SHE: variants seen among roughly 807,000 people sequenced by gnomAD.
The protein encoded by SHE is SH2 domain-containing adapter protein E.
Under a neutral mutation model 49.8 loss-of-function variants are expected in SHE, and 11 were observed. The observed-to-expected ratio is 0.22, with a 90% CI of 0.14 to 0.37. The LOEUF is 0.37. SHE is among the 10% of genes least tolerant of loss of function. The probability of loss-of-function intolerance (pLI) is 1.00; values close to 1 mark genes in which losing one functional copy is unlikely to be tolerated. For missense variants in SHE, 624 were observed against 655.5 expected (o/e 0.95, Z 0.52); for synonymous variants, 310 against 278.1 (o/e 1.11, Z -1.14).
chr1:154,495,745 AC>A (rs752890809), intron 2 of SHE, among the ~76,000 whole-genome samples: 18 of 145,202 alleles, frequency 1.2e-4, no homozygotes, highest in African/African-American at 1.5e-4. Context: ...AAAAAAAAAA[AC>A]CTCAAGAAAT....
intron 2 of SHE, 83 bp from the exon 3 acceptor site, chr1:154,489,439 A>C: frequency 6.7e-7 from 1 of 1,497,240 alleles, no homozygotes; most frequent in Non-Finnish European, 9.1e-7. Context: ...CCTGGTCATT[A>C]ACCCAACTGC....
At chr1:154,501,366 CCT>C in intron 1 of SHE, 68 bp downstream of exon 1, 1 of 1,475,440 alleles carries the variant, frequency 6.8e-7, no homozygotes, top group Non-Finnish European at 9.3e-7. Context: ...TCTAAAGAAG[CCT>C]AGGGCTTAGC....
At chr1:154,476,226 GTCC>G (rs765242299), downstream of SHE, among the ~76,000 whole-genome samples, 1 of 152,116 alleles carries the variant, frequency 6.6e-6, no homozygotes, top group Non-Finnish European at 1.5e-5. Context: ...CACACCTGTG[GTCC>G]CAGCCACTTG....
In SHE at chr1:154,489,157, CT is replaced by C; in HGVS notation, c.917del (p.Lys306ArgfsTer52). On this transcript the variant is annotated frameshift_variant, in exon 3 of 6. Coordinates refer to ENST00000304760, the MANE Select transcript of SHE (RefSeq NM_001010846.3). LOFTEE classifies it high-confidence loss of function. ...PAEGGPRAEG[K>X]ARPPDSRLPE... Reference sequence around the variant, plus strand: ...GCAGCCGGCTGTCTGGGGGCCGCGCCTTCCCCTCTGCCCTGGGCCCCCCTTC... The same window carrying C: ...GCAGCCGGCTGTCTGGGGGCCGCGCCTCCCCTCTGCCCTGGGCCCCCCTTC... The C allele has an allele frequency of 6.2e-7, 1 of 1,614,156 alleles. No individual in the cohort carries two copies. Among genetic ancestry groups the C allele is most frequent in the Non-Finnish European group, 8.5e-7 (1 of 1,180,018 alleles).
At chr1:154,486,980 T>G (rs570838200) in intron 3 of SHE, among the ~76,000 whole-genome samples, 1 of 152,222 alleles carries the variant, frequency 6.6e-6, no homozygotes, top group African/African-American at 2.4e-5. Flanking sequence ...TTTAAAAAAC[T>G]TGTGGTTTTG....
chr1:154,493,821 T>G (rs1570852742), intron 2 of SHE, among the ~76,000 whole-genome samples: 3 of 152,338 alleles, frequency 2.0e-5, no homozygotes, highest in East Asian at 3.9e-4. Context: ...AACTCACGGC[T>G]GTACTGACTA....
chr1:154,483,837 C>CA lies in SHE; in HGVS notation c.*311dup, dbSNP rs5777915. On this transcript the variant is annotated 3_prime_UTR_variant, in exon 6 of 6. Transcript: ENST00000304760. ...CGAAACCCCATCTCTACTAAAAATA[C>CA]AAAAAAAAAAATTAGCTGGGAGTGG... 62 of 604,654 alleles carry CA rather than the reference C, an allele frequency of 1.0e-4. No individual in the cohort carries two copies. The highest frequency in any genetic ancestry group is 9.6e-4 in the African/African-American group (50 of 52,174). 37.5% of individuals were successfully genotyped at this position (604,654 alleles called of 1,614,324 possible).
chr1:154,475,264 G>A (rs1252178398), downstream of SHE, among the ~76,000 whole-genome samples: 2 of 152,022 alleles, frequency 1.3e-5, no homozygotes, highest in Admixed American at 6.6e-5. Flanking sequence ...TTGGCTCACC[G>A]CAACCTCCGC....
chr1:154,480,664 T>C lies in SHE; in HGVS notation c.*3485A>G, dbSNP rs1261018151. 3.0e-6 allele frequency: 3 copies of C among 985,250 alleles called. No individual in the cohort carries two copies. In the African/African-American group the frequency reaches 5.2e-5, roughly 17 times the overall value. The allele number at this position is 985,250 out of a possible 1,614,324, so 61.0% of individuals were successfully genotyped here. A position where few individuals can be genotyped will look rare whatever the true frequency, so the allele number is the denominator to read the frequency against. Reference sequence around the variant, plus strand: ...AGGCTTTCTAAAATGCTTAAGAAAGTGCTTTGAATAACTTAAAATGACACT... The same window carrying C: ...AGGCTTTCTAAAATGCTTAAGAAAGCGCTTTGAATAACTTAAAATGACACT... On this transcript the variant is annotated 3_prime_UTR_variant, in exon 6 of 6. Coordinates refer to ENST00000304760, the MANE Select transcript of SHE (RefSeq NM_001010846.3).
rs925507634 is a variant in SHE, at chr1:154,482,633, A to C, written c.*1516T>G. Reference sequence around the variant, plus strand: ...CCCCAGAATACAGACACATCTGCTGAATTTTAATTCTGGAGCCATTCACCA... The same window carrying C: ...CCCCAGAATACAGACACATCTGCTGCATTTTAATTCTGGAGCCATTCACCA... On this transcript the variant is annotated 3_prime_UTR_variant, in exon 6 of 6. Coordinates refer to ENST00000304760, the MANE Select transcript of SHE (RefSeq NM_001010846.3). 2 of 985,320 alleles carry C rather than the reference A, an allele frequency of 2.0e-6. No homozygotes were observed. The highest frequency in any genetic ancestry group is 3.5e-5 in the African/African-American group (2 of 57,242). 61.0% of individuals were successfully genotyped at this position (985,320 alleles called of 1,614,324 possible).
chr1:154,478,828 C>T (rs1310067759), downstream of SHE, among the ~76,000 whole-genome samples: 3 of 152,174 alleles, frequency 2.0e-5, no homozygotes, highest in African/African-American at 7.2e-5. Context: ...CTCTTAAACA[C>T]AGATGGGTTA....
At chr1:154,492,361 C>T (rs1474535921) in intron 2 of SHE, among the ~76,000 whole-genome samples, 2 of 152,222 alleles carry the variant, frequency 1.3e-5, no homozygotes, top group Non-Finnish European at 2.9e-5. Flanking sequence ...ACCACTTCCA[C>T]ACCTCCTGGG....
chr1:154,479,745 C>T lies in SHE; in HGVS notation c.*4404G>A. 2.0e-6 allele frequency: 2 copies of T among 985,316 alleles called. No homozygotes were observed. Among genetic ancestry groups the T allele is most frequent in the Non-Finnish European group, 1.2e-6 (1 of 829,892 alleles). The allele number at this position is 985,316 out of a possible 1,614,324, so 61.0% of individuals were successfully genotyped here. A position where few individuals can be genotyped will look rare whatever the true frequency, so the allele number is the denominator to read the frequency against. ...CTAAGAACTTGACAAAATGAGACGC[C>T]TGTTTCAATGATTCTGTTGCCAGCA... is the stretch of plus-strand genomic sequence containing the variant. On this transcript the variant is annotated 3_prime_UTR_variant, in exon 6 of 6. Transcript: ENST00000304760.
At position 154,479,617 on chromosome 1, in the gene SHE, TA is replaced by T; in HGVS notation, c.*4531del. 1.0e-6 allele frequency: 1 copy of T among 966,866 alleles called. No individual in the cohort carries two copies. The highest frequency in any genetic ancestry group is 1.2e-6 in the Non-Finnish European group (1 of 813,036). The allele number at this position is 966,866 out of a possible 1,614,324, so 59.9% of individuals were successfully genotyped here. ...TCTGATTTAAATTACTAAGGCACTA[TA>T]GATAGACACCTATATTACATACAAT... On this transcript the variant is annotated 3_prime_UTR_variant, in exon 6 of 6. Coordinates refer to ENST00000304760, the MANE Select transcript of SHE (RefSeq NM_001010846.3).
chr1:154,482,825 C>T lies in SHE; in HGVS notation c.*1324G>A. 3.0e-6 allele frequency: 3 copies of T among 985,424 alleles called. No homozygotes were observed. Among genetic ancestry groups the T allele is most frequent in the Non-Finnish European group, 3.6e-6 (3 of 829,926 alleles). 61.0% of individuals were successfully genotyped at this position (985,424 alleles called of 1,614,324 possible). ...TCAAACACTTCTGTATAGTACAAGG[C>T]AGTCTGCTTGGTACAGAACGAGAGA... On this transcript the variant is annotated 3_prime_UTR_variant, in exon 6 of 6. Transcript: ENST00000304760.
At chr1:154,499,329 T>C (rs1639073542) in intron 1 of SHE, 91 bp from the exon 2 acceptor site, 15 of 1,420,654 alleles carry the variant, frequency 1.1e-5, no homozygotes, top group Non-Finnish European at 1.4e-5. Flanking sequence ...CTCCTGCATA[T>C]CCAAGGAGGT....
intron 4 of SHE, 85 bp downstream of exon 4, chr1:154,486,442 T>A: frequency 6.6e-7 from 1 of 1,521,020 alleles, no homozygotes; most frequent in Non-Finnish European, 8.9e-7. Context: ...AAAATAATCA[T>A]GTGAAATGGG....
At position 154,481,703 on chromosome 1, in the gene SHE, A is replaced by G; in HGVS notation, c.*2446T>C. 1 of 961,090 alleles carries G rather than the reference A, an allele frequency of 1.0e-6. No homozygotes were observed. The highest frequency in any genetic ancestry group is 1.2e-6 in the Non-Finnish European group (1 of 807,682). 59.5% of individuals were successfully genotyped at this position (961,090 alleles called of 1,614,324 possible). A position where few individuals can be genotyped will look rare whatever the true frequency, so the allele number is the denominator to read the frequency against. ...GTTAAACTAAAAATAAGTTTAACAC[A>G]ATGAATAATTTGTATAAAGATAATA... On this transcript the variant is annotated 3_prime_UTR_variant, in exon 6 of 6. Coordinates refer to ENST00000304760, the MANE Select transcript of SHE (RefSeq NM_001010846.3).
At chr1:154,499,930 G>A (rs530065466) in intron 1 of SHE, among the ~76,000 whole-genome samples, 1 of 152,274 alleles carries the variant, frequency 6.6e-6, no homozygotes, top group South Asian at 2.1e-4. Flanking sequence ...TCCAAAAATA[G>A]AAGGCACCTG....
Sources: gnomAD v4.1 joint callset for allele counts (sites outside exome capture counted in the v4.1 genomes callset) on GRCh38, gnomAD v4.1.1 for gene constraint, MANE v1.5 for transcripts, NCBI Gene and HGNC (gene_info 2026-07-23, HGNC 2026-07-21) for gene names.